The following TKT variants were observed in gnomAD, a reference collection of about 807,000 sequenced individuals.
The protein encoded by TKT is transketolase, also known as epididymis luminal protein 107.
TKT carries 47 observed loss-of-function variants against 63.9 expected under a neutral mutation model. The ratio of observed to expected loss-of-function variants is 0.74; its 90% confidence interval spans 0.58 to 0.94. The LOEUF is 0.94. Ranked by LOEUF, TKT falls within the 40% of genes least tolerant of loss-of-function variation. The pLI is 0.00. For synonymous variants in TKT, 338 were observed against 334.1 expected (o/e 1.01, Z -0.13); for missense variants, 721 against 846.2 (o/e 0.85, Z 1.84).
intron 2 of TKT, 148 bp from the exon 3 acceptor site, chr3:53,241,393 C>T (rs1368127936): frequency 1.5e-6 from 1 of 646,842 alleles, no homozygotes. Context: ...GGCCACTTCT[C>T]CCCTTTCAGC....
At chr3:53,249,343 C>T (rs1363888036) in intron 1 of TKT, among the ~76,000 whole-genome samples, 1 of 152,034 alleles carries the variant, frequency 6.6e-6, no homozygotes, top group Non-Finnish European at 1.5e-5. Context: ...TTTGGGAGGC[C>T]AAGGCTGGCG....
Position 53,226,781 on chromosome 3 carries a change from G to A in TKT, c.1671C>T (p.Leu557=), listed in dbSNP as rs1424656757. Reference sequence around the variant, plus strand: ...CTTCATAATAATGGTCCTCCACGGTGAGGATCCTGCCCTTGGTGGCACGAG... The same window carrying A: ...CTTCATAATAATGGTCCTCCACGGTAAGGATCCTGCCCTTGGTGGCACGAG... ...DSARATKGRI[L]TVEDHYYEGG... Residue 557 remains leucine, a synonymous_variant, in exon 13 of 14, where the codon CTC becomes CTT. Coordinates refer to ENST00000462138, the MANE Select transcript of TKT (RefSeq NM_001064.4). The A allele has an allele frequency of 1.9e-6, 3 of 1,614,104 alleles. No homozygotes were observed. Among genetic ancestry groups the A allele is most frequent in the African/African-American group, 1.3e-5 (1 of 74,950 alleles).
chr3:53,227,339 G>A, intron 12 of TKT: 1 of 163,500 alleles, frequency 6.1e-6, no homozygotes, highest in Non-Finnish European at 1.3e-5. Context: ...GCCAGGCCCT[G>A]CTTAAAGCTC....
chr3:53,227,846 G>A (rs1389408251), intron 12 of TKT: 8 of 533,310 alleles, frequency 1.5e-5, no homozygotes, highest in African/African-American at 3.8e-5. Flanking sequence ...TAGGGACTGT[G>A]GGCACTGCAG....
rs1705306107 is a variant in TKT, at chr3:53,242,126, T to C, written c.224A>G (p.Lys75Arg). The change falls in exon 2 of 14, where the codon AAG becomes AGG. Residue 75 changes from lysine to arginine, a missense_variant and splice_region_variant. Coordinates refer to ENST00000462138, the MANE Select transcript of TKT (RefSeq NM_001064.4). ...GGCAGTGGGCAGCTGGGCTCTTACC[T>C]TGGAGAGCACAAAGCGGTCATTGTG... ...NPHNDRFVLS[K>R]GHAAPILYAV... The C allele has an allele frequency of 6.2e-7, 1 of 1,613,854 alleles. No homozygotes were observed. The highest frequency in any genetic ancestry group is 8.5e-7 in the Non-Finnish European group (1 of 1,179,814).
Position 53,229,130 on chromosome 3 carries a change from G to A in TKT, c.1272C>T (p.Asp424=), listed in dbSNP as rs148178844. The change falls in exon 10 of 14, where the codon GAC becomes GAT. Residue 424 remains aspartate (D), a synonymous_variant. Transcript: ENST00000462138. ...GSHCGVSIGE[D]GPSQMALEDL... ...CTTCTAGGGCCATCTGGGAGGGCCC[G>A]TCTTCCCCTGGGGTGTGGGGGAAAG... 3.8e-5 allele frequency: 61 copies of A among 1,614,180 alleles called. No homozygotes were observed. The highest frequency in any genetic ancestry group is 1.2e-4 in the African/African-American group (9 of 75,038).
chr3:53,246,044 GA>G (rs1362838120), intron 1 of TKT, among the ~76,000 whole-genome samples: 1 of 151,988 alleles, frequency 6.6e-6, no homozygotes, highest in Non-Finnish European at 1.5e-5. Flanking sequence ...GAGGTGGGTG[GA>G]TCAACTGAGG....
At chr3:53,242,285 G>A in intron 1 of TKT, 43 bp from the exon 2 acceptor site, 1 of 1,574,292 alleles carries the variant, frequency 6.4e-7, no homozygotes, top group Non-Finnish European at 8.7e-7. Context: ...TCATGGCCCT[G>A]CACTCCTGAG....
intron 4 of TKT, among the ~76,000 whole-genome samples, chr3:53,236,376 C>G (rs1553678642): frequency 6.6e-6 from 1 of 152,214 alleles, no homozygotes; most frequent in Non-Finnish European, 1.5e-5. Context: ...TGCCAGCAGG[C>G]CAGGAGCACT....
intron 8 of TKT, 64 bp from the exon 9 acceptor site, chr3:53,229,500 A>G (rs1704652521): frequency 6.5e-7 from 1 of 1,531,216 alleles, no homozygotes; most frequent in Non-Finnish European, 8.8e-7. Flanking sequence ...GGAGCCTAGG[A>G]CCCCTTTTGT....
At chr3:53,233,317 C>T in intron 5 of TKT, 43 bp from the exon 6 acceptor site, 1 of 1,516,848 alleles carries the variant, frequency 6.6e-7, no homozygotes, top group Non-Finnish European at 9.0e-7. Flanking sequence ...TCCCAGGGGC[C>T]ACAACACCGA....
rs782327835 is a variant in TKT at position 53,233,262 on chromosome 3, G to C, written c.642C>G (p.Ile214Met). The C allele has an allele frequency of 6.2e-7, 1 of 1,611,020 alleles. No homozygotes were observed. Among genetic ancestry groups the C allele is most frequent in the Non-Finnish European group, 8.5e-7 (1 of 1,178,604 alleles). The change falls in exon 6 of 14, where the codon ATC (isoleucine) becomes ATG (methionine). Residue 214 changes from isoleucine to methionine, a missense_variant. Ile to Met is a conservative substitution (Grantham distance 10). Coordinates refer to ENST00000462138, the MANE Select transcript of TKT (RefSeq NM_001064.4). Reference protein sequence around the residue: ...KRCEAFGWHAIIVDGHSVEEL... With the variant: ...KRCEAFGWHAMIVDGHSVEEL... ...CCTCCACGCTGTGTCCATCCACGAT[G>C]ATGGCATGCCAACTGGGGACAGGGG...
chr3:53,237,413 A>G (rs1012907539), intron 4 of TKT, among the ~76,000 whole-genome samples: 1 of 150,884 alleles, frequency 6.6e-6, no homozygotes, highest in Non-Finnish European at 1.5e-5. Context: ...AACAAAAAAA[A>G]CCAGCTCTCC....
chr3:53,226,868 G>T lies in TKT; in HGVS notation c.1584C>A (p.Asn528Lys). 4 of 1,609,558 alleles carry T rather than the reference G, an allele frequency of 2.5e-6. No individual in the cohort carries two copies. Among genetic ancestry groups the T allele is most frequent in the Non-Finnish European group, 3.4e-6 (4 of 1,177,464 alleles). Residue 528 changes from asparagine (N) to lysine (K), a missense_variant, in exon 13 of 14, where the codon AAC becomes AAA. By Grantham distance (94) the Asn-to-Lys change is moderately conservative (BLOSUM62 0). Coordinates refer to ENST00000462138, the MANE Select transcript of TKT (RefSeq NM_001064.4). ...AAELLKKEKINIRVLDPFTIK... is the reference protein window; with the variant it reads ...AAELLKKEKIKIRVLDPFTIK... ...TGGTGAAGGGGTCCAGCACGCGGATGTTGATCTTTTCTGTGAGGGAGAGCA... is the reference window on the plus strand; with the variant it reads ...TGGTGAAGGGGTCCAGCACGCGGATTTTGATCTTTTCTGTGAGGGAGAGCA...
chr3:53,233,085 G>C (rs1174749740), intron 6 of TKT, 71 bp downstream of exon 6: 3 of 1,315,462 alleles, frequency 2.3e-6, no homozygotes, highest in Non-Finnish European at 3.2e-6. Flanking sequence ...CTGGATGTGC[G>C]GGTCAGAGCT....
In TKT at chr3:53,228,293, G is replaced by A. The variant is rs782737730; in HGVS notation, c.1462C>T (p.Gln488Ter). 6.2e-7 allele frequency: 1 copy of A among 1,614,058 alleles called. No homozygotes were observed. Among genetic ancestry groups the A allele is most frequent in the African/African-American group, 1.3e-5 (1 of 74,920 alleles). The change falls in exon 11 of 14, where the codon CAG becomes TAG. Residue 488 changes from glutamine (Q) to a stop codon, truncating the protein, a stop_gained. Coordinates refer to ENST00000462138, the MANE Select transcript of TKT (RefSeq NM_001064.4). LOFTEE classifies it high-confidence loss of function. Reference sequence around the variant, plus strand: ...GCACTGACCTTGGCTTGTCCGACCTGGAAGTCCTCATTGTTGTTATAGATG... The same window carrying A: ...GCACTGACCTTGGCTTGTCCGACCTAGAAGTCCTCATTGTTGTTATAGATG... ...AIIYNNNEDF[Q>*]VGQAKVVLKS...
intron 12 of TKT, 153 bp downstream of exon 12, chr3:53,227,903 G>A (rs1227860903): frequency 3.0e-6 from 2 of 666,526 alleles, no homozygotes; most frequent in East Asian, 5.7e-5. Context: ...CTCAAAGGAT[G>A]GCTATAATTG....
At chr3:53,254,394 A>C (rs1705888205) in intron 1 of TKT, among the ~76,000 whole-genome samples, 3 of 152,324 alleles carry the variant, frequency 2.0e-5, no homozygotes, top group East Asian at 1.9e-4. Flanking sequence ...ACAGGTCCAA[A>C]GTGTGCAAGG....
At chr3:53,254,582 G>A (rs1705898249) in intron 1 of TKT, among the ~76,000 whole-genome samples, 1 of 152,226 alleles carries the variant, frequency 6.6e-6, no homozygotes, top group Non-Finnish European at 1.5e-5. Flanking sequence ...AACAGAGCTT[G>A]TTTGGGAAGG....
Sources: allele counts gnomAD v4.1 joint callset (sites outside exome capture counted in the v4.1 genomes callset), GRCh38; gene constraint gnomAD v4.1.1; transcripts MANE v1.5; gene names NCBI Gene and HGNC (gene_info 2026-07-23, HGNC 2026-07-21).